Variants in NIPAL3 observed in about 807,000 individuals in gnomAD.
NIPAL3 encodes NIPA like domain containing 3, also known as NIPA-like protein 3.
In NIPAL3, 41 loss-of-function variants were observed where a neutral mutation model predicts 47.2. The observed-to-expected ratio is 0.87, with a 90% CI of 0.68 to 1.13. NIPAL3 has a LOEUF of 1.13. NIPAL3 is among the 50% of genes most tolerant of loss of function. The probability of loss-of-function intolerance (pLI) is 0.00; values close to 1 mark genes in which losing one functional copy is unlikely to be tolerated. For synonymous variants in NIPAL3, 194 were observed against 209.6 expected, an observed-to-expected ratio of 0.93 and a Z score of 0.64; for missense variants, 449 against 530.1, an observed-to-expected ratio of 0.85 and a Z score of 1.50.
chr1:24,460,628 A>G (rs560458980), intron 10 of NIPAL3, 84 bp downstream of exon 10: 22 of 1,137,110 alleles, frequency 1.9e-5, no homozygotes, highest in Non-Finnish European at 2.7e-5. Context: ...TTATTGCTAC[A>G]GCCGCCCCAT....
At position 24,416,747 on chromosome 1, in the gene NIPAL3, A is replaced by G. The variant is rs1644062450; in HGVS notation, c.-258+843A>G. On this transcript the variant is annotated intron_variant, in intron 1 of 11. Coordinates refer to ENST00000374399, the MANE Select transcript of NIPAL3 (RefSeq NM_020448.5). The surrounding 1 kb of genome is among the most constrained non-coding windows in gnomAD (Gnocchi z 4.8). The stretch of plus-strand genomic sequence containing the variant: ...AAGTATGTGTCTTATAAGGGAGTAC[A>G]GCTTGCAAAGGGTTCCTCCAGGCTT... 6.6e-6 allele frequency: 1 copy of G among 152,234 alleles called. No individual in the cohort carries two copies. Among genetic ancestry groups the G allele is most frequent in the Non-Finnish European group, 1.5e-5 (1 of 68,064 alleles). The allele number at this position is 152,234 out of a possible 1,614,324, so 9.4% of individuals were successfully genotyped here.
At position 24,432,449 on chromosome 1, in the gene NIPAL3, T is replaced by C. The variant is rs543159396; in HGVS notation, c.94-7723T>C. ...GCCAGATTGTAATATTTTTAGTGTCTGTATTCTGCACTAGCCTGGGAGTCA... is the reference window on the plus strand; with the variant it reads ...GCCAGATTGTAATATTTTTAGTGTCCGTATTCTGCACTAGCCTGGGAGTCA... On this transcript the variant is annotated intron_variant, in intron 2 of 11. Coordinates refer to ENST00000374399, the MANE Select transcript of NIPAL3 (RefSeq NM_020448.5). 2.6e-3 allele frequency among the ~76,000 whole-genome samples: 392 copies of C among 152,338 alleles called. 3 individuals are homozygous for C. The highest frequency in any genetic ancestry group is 8.9e-3 in the African/African-American group (369 of 41,582).
At chr1:24,438,673 G>A (rs1645238195) in intron 2 of NIPAL3, among the ~76,000 whole-genome samples, 1 of 152,238 alleles carries the variant, frequency 6.6e-6, no homozygotes, top group Non-Finnish European at 1.5e-5. Context: ...ACATATGACA[G>A]TGAGGACTGT....
chr1:24,425,680 C>G (rs1644549290), intron 2 of NIPAL3, among the ~76,000 whole-genome samples: 1 of 152,122 alleles, frequency 6.6e-6, no homozygotes, highest in South Asian at 2.1e-4. Flanking sequence ...GATTATAGCT[C>G]TCTGCACCAG....
intron 8 of NIPAL3, among the ~76,000 whole-genome samples, 155 bp downstream of exon 8, chr1:24,456,428 T>C (rs1646216930): frequency 6.6e-6 from 1 of 152,152 alleles, no homozygotes; most frequent in African/African-American, 2.4e-5. Flanking sequence ...TTTGCTGAGT[T>C]GTCACCTGGA....
upstream of NIPAL3, chr1:24,415,678 C>A: frequency 5.2e-6 from 1 of 193,292 alleles, no homozygotes; most frequent in Non-Finnish European, 9.5e-6. Context: ...GGCTGTCCCG[C>A]CTACTCCCCG....
chr1:24,422,931 T>C (rs1174092452), intron 2 of NIPAL3, among the ~76,000 whole-genome samples: 1 of 152,220 alleles, frequency 6.6e-6, no homozygotes, highest in East Asian at 1.9e-4. Flanking sequence ...AAGCTCTAGA[T>C]GTTAAATTTT....
rs561371378 is a variant in NIPAL3, at chr1:24,472,200, C to T, written c.*3015C>T. On this transcript the variant is annotated 3_prime_UTR_variant, in exon 12 of 12. Transcript: ENST00000374399. ...TGGAGCAGTGGCATCATCCCACCAA[C>T]CTGAGCCATGAAAGGGCTGAGCAGA... is the stretch of plus-strand genomic sequence containing the variant. 6.6e-6 allele frequency: 1 copy of T among 152,202 alleles called. No individual in the cohort carries two copies. Among genetic ancestry groups the T allele is most frequent in the African/African-American group, 2.4e-5 (1 of 41,434 alleles). The allele number at this position is 152,202 out of a possible 1,614,324, so 9.4% of individuals were successfully genotyped here.
chr1:24,449,939 A>G lies in NIPAL3; in HGVS notation c.540+313A>G, dbSNP rs1005528954. Among the ~76,000 whole-genome samples the G allele has an allele frequency of 6.6e-6, 1 of 152,200 alleles. No homozygotes were observed. The highest frequency in any genetic ancestry group is 1.5e-5 in the Non-Finnish European group (1 of 68,036). ...ACCCCTCATTTTATACTCAACAGAA[A>G]TGCATACATGTGTTTCTCAAATGAC... is the stretch of plus-strand genomic sequence containing the variant. On this transcript the variant is annotated intron_variant, in intron 6 of 11. Coordinates refer to ENST00000374399, the MANE Select transcript of NIPAL3 (RefSeq NM_020448.5). This position sits in a 1 kb window ranked among gnomAD's most constrained non-coding sequence, Gnocchi z 4.5.
intron 2 of NIPAL3, among the ~76,000 whole-genome samples, chr1:24,428,293 A>AGAGAGAGAGG (rs1644716054): frequency 6.6e-6 from 1 of 151,078 alleles, no homozygotes; most frequent in South Asian, 2.1e-4. Context: ...AGAGAGAGAG[A>AGAGAGAGAGG]GAGAGAGAGA....
At chr1:24,430,996 T>C (rs778162624) in intron 2 of NIPAL3, among the ~76,000 whole-genome samples, 29 of 152,250 alleles carry the variant, frequency 1.9e-4, no homozygotes, top group Admixed American at 2.6e-4. Context: ...AGCAGGAAAT[T>C]TAGCTCATTC....
chr1:24,451,656 A>G lies in NIPAL3; in HGVS notation c.541-1752A>G, dbSNP rs1645942334. Among the ~76,000 whole-genome samples the G allele has an allele frequency of 6.6e-6, 1 of 152,058 alleles. No individual in the cohort carries two copies. The highest frequency in any genetic ancestry group is 1.5e-5 in the Non-Finnish European group (1 of 67,976). ...GAGGTCAAAGCTGCAGTAAGCCATG[A>G]TCACAGTACTGCACTCCAGCCTGAG... On this transcript the variant is annotated intron_variant, in intron 6 of 11. Transcript: ENST00000374399. This position sits in a 1 kb window ranked among gnomAD's most constrained non-coding sequence, Gnocchi z 4.5.
At chr1:24,432,531 T>TA (rs1644923937) in intron 2 of NIPAL3, among the ~76,000 whole-genome samples, 1 of 152,210 alleles carries the variant, frequency 6.6e-6, no homozygotes, top group South Asian at 2.1e-4. Context: ...ATTCAATACC[T>TA]ACCCTGTTCC....
chr1:24,417,891 T>C (rs1644133413), intron 1 of NIPAL3, among the ~76,000 whole-genome samples: 2 of 152,228 alleles, frequency 1.3e-5, no homozygotes, highest in Admixed American at 6.5e-5. Context: ...TGGCAGAAAT[T>C]GTTTAGCTCA....
chr1:24,424,903 G>T (rs1230159918), intron 2 of NIPAL3, among the ~76,000 whole-genome samples: 1 of 152,206 alleles, frequency 6.6e-6, no homozygotes, highest in Non-Finnish European at 1.5e-5. Context: ...CCTTTGGGAG[G>T]AGGAAAATAT....
In NIPAL3 at chr1:24,419,318, C is replaced by G. The variant is rs1377036648; in HGVS notation, c.-230C>G. On this transcript the variant is annotated 5_prime_UTR_variant, in exon 2 of 12. Coordinates refer to ENST00000374399, the MANE Select transcript of NIPAL3 (RefSeq NM_020448.5). ...CACCGCAAGAACTGGAAAACACACC[C>G]CTCTCTGTCTGCCTGGGAGAGCCAC... 1 of 1,248,816 alleles carries G rather than the reference C, an allele frequency of 8.0e-7. No homozygotes were observed. The highest frequency in any genetic ancestry group is 1.0e-6 in the Non-Finnish European group (1 of 996,436). 77.4% of individuals were successfully genotyped at this position (1,248,816 alleles called of 1,614,324 possible).
At chr1:24,452,534 G>A (rs1645986919) in intron 6 of NIPAL3, among the ~76,000 whole-genome samples, 1 of 152,016 alleles carries the variant, frequency 6.6e-6, no homozygotes, top group Non-Finnish European at 1.5e-5. Context: ...CTCCACAGAG[G>A]GTTAACTAAG....
chr1:24,448,604 A>G (rs72652576), intron 5 of NIPAL3, among the ~76,000 whole-genome samples: 4,479 of 151,992 alleles, frequency 0.029, 104 homozygotes, highest in Admixed American at 0.06. Flanking sequence ...GTTACCTGTA[A>G]AATGCACATT....
chr1:24,468,738 G>A (rs1646802330), intron 11 of NIPAL3, among the ~76,000 whole-genome samples: 1 of 152,184 alleles, frequency 6.6e-6, no homozygotes, highest in Admixed American at 6.5e-5. Flanking sequence ...CCAACTGAGG[G>A]TTCCTCCTGA....
Sources: gnomAD v4.1 joint callset for allele counts (sites outside exome capture counted in the v4.1 genomes callset) on GRCh38, gnomAD v4.1.1 for gene constraint, Gnocchi (gnomAD v3.1) non-coding constraint, MANE v1.5 for transcripts, NCBI Gene and HGNC (gene_info 2026-07-23, HGNC 2026-07-21) for gene names.